Variants in RCN2 observed in about 807,000 individuals in gnomAD.
RCN2 encodes the protein reticulocalbin-2.
In RCN2, 23 loss-of-function variants were observed where a neutral mutation model predicts 37.5. The ratio of observed to expected loss-of-function variants is 0.61; its 90% CI spans 0.44 to 0.87. The LOEUF is 0.87. Among genes scored for constraint, RCN2 ranks in the 40% least tolerant of loss-of-function variants. The pLI, the probability that RCN2 is intolerant of heterozygous loss-of-function variation, is 0.00. For synonymous variants in RCN2, 140 were observed against 144.6 expected, an observed-to-expected ratio of 0.97 and a Z score of 0.23; for missense variants, 381 against 390.4, an observed-to-expected ratio of 0.98 and a Z score of 0.20.
intron 3 of RCN2, chr15:76,941,691 G>C: frequency 6.8e-7 from 1 of 1,466,830 alleles, no homozygotes; most frequent in Non-Finnish European, 9.2e-7. Flanking sequence ...TCGATTTAAT[G>C]TGAGCTATTC....
chr15:76,948,335 T>C, intron 5 of RCN2, 75 bp from the exon 6 acceptor site: 1 of 1,034,128 alleles, frequency 9.7e-7, no homozygotes, highest in Non-Finnish European at 1.4e-6. Flanking sequence ...TCCTTTATTC[T>C]AGGGATATAC....
intron 3 of RCN2, chr15:76,941,617 C>CT: frequency 1.4e-6 from 2 of 1,421,094 alleles, no homozygotes; most frequent in Non-Finnish European, 1.9e-6. Context: ...AACTGACCAT[C>CT]TTTTTTGTTA....
chr15:76,931,826 T>C lies in RCN2; in HGVS notation c.-16T>C, dbSNP rs1596000716. The C allele has an allele frequency of 8.2e-7, 1 of 1,216,116 alleles. No individual in the cohort carries two copies. 75.3% of individuals were successfully genotyped at this position (1,216,116 alleles called of 1,614,324 possible). A position where few individuals can be genotyped will look rare whatever the true frequency, so the allele number is the denominator to read the frequency against. On this transcript the variant is annotated 5_prime_UTR_variant, in exon 1 of 7. Coordinates refer to ENST00000394885, the MANE Select transcript of RCN2 (RefSeq NM_002902.3). ...TCCCTCCTCGCGTCCCTCGGTGTCC[T>C]CCGCGGGCCGGCGCGATGCGGCTGG...
intron 2 of RCN2, among the ~76,000 whole-genome samples, chr15:76,935,239 G>A (rs2075241966): frequency 6.6e-6 from 1 of 152,132 alleles, no homozygotes; most frequent in Admixed American, 6.5e-5. Flanking sequence ...CAGGAGAATC[G>A]TTTGAACCGG....
rs1445684065 is a variant in RCN2 at position 76,951,255 on chromosome 15, C to T, written c.*2033C>T. ...CAGCCCTCTTGTAGGTAGGCGATGGCTAGTTCTGACCAGTTAAACATGGGT... is the reference window on the plus strand; with the variant it reads ...CAGCCCTCTTGTAGGTAGGCGATGGTTAGTTCTGACCAGTTAAACATGGGT... On this transcript the variant is annotated 3_prime_UTR_variant, in exon 7 of 7. Transcript: ENST00000394885. 1 of 152,248 alleles carries T rather than the reference C, an allele frequency of 6.6e-6. No individual in the cohort carries two copies. The highest frequency in any genetic ancestry group is 1.5e-5 in the Non-Finnish European group (1 of 68,050). 9.4% of individuals were successfully genotyped at this position (152,248 alleles called of 1,614,324 possible). A position where few individuals can be genotyped will look rare whatever the true frequency, so the allele number is the denominator to read the frequency against.
At chr15:76,947,246 A>T (rs1332355697) in intron 4 of RCN2, among the ~76,000 whole-genome samples, 175 bp from the exon 5 acceptor site, 1 of 152,244 alleles carries the variant, frequency 6.6e-6, no homozygotes, top group African/African-American at 2.4e-5. Flanking sequence ...TCTTGAAGAT[A>T]TGGACAACCA....
At chr15:76,932,043 C>T in intron 1 of RCN2, 58 bp downstream of exon 1, 1 of 1,235,180 alleles carries the variant, frequency 8.1e-7, no homozygotes, top group African/African-American at 1.6e-5. Flanking sequence ...CTGCCGCGGG[C>T]TTTGTCCCGG....
At chr15:76,944,309 G>A (rs2075288381) in intron 4 of RCN2, among the ~76,000 whole-genome samples, 1 of 151,990 alleles carries the variant, frequency 6.6e-6, no homozygotes, top group Non-Finnish European at 1.5e-5. Context: ...CATGCAATGT[G>A]AAATAATCAG....
At chr15:76,935,465 T>C (rs951039853) in intron 2 of RCN2, 61 bp from the exon 3 acceptor site, 2 of 1,347,202 alleles carry the variant, frequency 1.5e-6, no homozygotes, top group Non-Finnish European at 2.1e-6. Context: ...GGTTTGGAAA[T>C]CCTTACTCTT....
rs930525569 is a variant in RCN2 at position 76,954,058 on chromosome 15, T to A, written c.*4836T>A. On this transcript the variant is annotated 3_prime_UTR_variant, in exon 7 of 7. Coordinates refer to ENST00000394885, the MANE Select transcript of RCN2 (RefSeq NM_002902.3). Reference sequence around the variant, plus strand: ...TTTTCTGTTTTTTTTTTTTTCTTTTTTTTTTTTAATAGTAGCCATCCTGTT... The same window carrying A: ...TTTTCTGTTTTTTTTTTTTTCTTTTATTTTTTTAATAGTAGCCATCCTGTT... 4 of 151,262 alleles carry A rather than the reference T, an allele frequency of 2.6e-5. No homozygotes were observed. The highest frequency in any genetic ancestry group is 9.7e-5 in the African/African-American group (4 of 41,164). The allele number at this position is 151,262 out of a possible 1,614,324, so 9.4% of individuals were successfully genotyped here. A position where few individuals can be genotyped will look rare whatever the true frequency, so the allele number is the denominator to read the frequency against.
Position 76,954,234 on chromosome 15 carries a change from A to G in RCN2, c.*5012A>G, listed in dbSNP as rs1003733304. On this transcript the variant is annotated 3_prime_UTR_variant, in exon 7 of 7. Coordinates refer to ENST00000394885, the MANE Select transcript of RCN2 (RefSeq NM_002902.3). The stretch of plus-strand genomic sequence containing the variant: ...GTTTCTCAAACGTTTTTGTGTTACA[A>G]TACCTCCTTTTGAGTGAGAAATGTC... 6 of 152,058 alleles carry G rather than the reference A, an allele frequency of 3.9e-5. No homozygotes were observed. The highest frequency in any genetic ancestry group is 3.3e-4 in the Admixed American group (5 of 15,260). The allele number at this position is 152,058 out of a possible 1,614,324, so 9.4% of individuals were successfully genotyped here. A position where few individuals can be genotyped will look rare whatever the true frequency, so the allele number is the denominator to read the frequency against.
At chr15:76,946,446 G>GT (rs1402953251) in intron 4 of RCN2, among the ~76,000 whole-genome samples, 2 of 148,366 alleles carry the variant, frequency 1.3e-5, no homozygotes, top group African/African-American at 5.0e-5. Context: ...GAGATCCTAT[G>GT]TTAAAAAAAA....
At chr15:76,935,460 G>A (rs889625095) in intron 2 of RCN2, 66 bp from the exon 3 acceptor site, 3 of 1,313,818 alleles carry the variant, frequency 2.3e-6, no homozygotes, top group African/African-American at 1.5e-5. Flanking sequence ...GAGAAGGTTT[G>A]GAAATCCTTA....
At chr15:76,937,317 GATAC>G (rs1280658173) in intron 3 of RCN2, among the ~76,000 whole-genome samples, 6 of 152,108 alleles carry the variant, frequency 3.9e-5, no homozygotes, top group Non-Finnish European at 5.9e-5. Flanking sequence ...ACCTGGAAGT[GATAC>G]TGCTAGATCA....
In RCN2 at chr15:76,943,772, C is replaced by G. The variant is rs1277208338; in HGVS notation, c.462C>G (p.Asp154Glu). 1 of 1,600,422 alleles carries G rather than the reference C, an allele frequency of 6.2e-7. No individual in the cohort carries two copies. ...AATTTTCAAAGCTTCACTTAAAGGA[C>G]AAGAAGCGATTTGAAAAAGCTAACC... ...EESFRKLHLKDKKRFEKANQD... is the reference protein window; with the variant it reads ...EESFRKLHLKEKKRFEKANQD... Residue 154 changes from aspartate (D) to glutamate (E), a missense_variant, in exon 4 of 7, where the codon GAC becomes GAG. Coordinates refer to ENST00000394885, the MANE Select transcript of RCN2 (RefSeq NM_002902.3).
At chr15:76,932,016 C>A in intron 1 of RCN2, 31 bp downstream of exon 1, 1 of 1,242,882 alleles carries the variant, frequency 8.0e-7, no homozygotes, top group Non-Finnish European at 1.0e-6. Context: ...CTGGGAGGGC[C>A]GGGCCTCGCA....
In RCN2 at chr15:76,952,528, C is replaced by T. The variant is rs2075326363; in HGVS notation, c.*3306C>T. ...AAAATGTGAAACTATTACCACCTTC[C>T]ATCTCCATGAACTTCATTTGTAAAA... On this transcript the variant is annotated 3_prime_UTR_variant, in exon 7 of 7. Transcript: ENST00000394885. The T allele has an allele frequency of 1.3e-5, 2 of 152,180 alleles. No homozygotes were observed. Among genetic ancestry groups the T allele is most frequent in the African/African-American group, 4.8e-5 (2 of 41,450 alleles). 9.4% of individuals were successfully genotyped at this position (152,180 alleles called of 1,614,324 possible).
chr15:76,953,315 A>G lies in RCN2; in HGVS notation c.*4093A>G, dbSNP rs181308190. On this transcript the variant is annotated 3_prime_UTR_variant, in exon 7 of 7. Transcript: ENST00000394885. ...TGGCTTCACTTAGCATAACGTCCCCAAAGTTCACCCATATTGTTACCAGAA... is the reference window on the plus strand; with the variant it reads ...TGGCTTCACTTAGCATAACGTCCCCGAAGTTCACCCATATTGTTACCAGAA... The G allele has an allele frequency of 1.3e-5, 2 of 152,028 alleles. No individual in the cohort carries two copies. Among genetic ancestry groups the G allele is most frequent in the Admixed American group, 1.3e-4 (2 of 15,244 alleles). The allele number at this position is 152,028 out of a possible 1,614,324, so 9.4% of individuals were successfully genotyped here. A position where few individuals can be genotyped will look rare whatever the true frequency, so the allele number is the denominator to read the frequency against.
chr15:76,938,716 A>G (rs936437669), intron 3 of RCN2: 1 of 455,652 alleles, frequency 2.2e-6, no homozygotes, highest in Non-Finnish European at 4.4e-6. Flanking sequence ...TTCTCTGCTA[A>G]TAACTACAGC....
Sources: gnomAD v4.1 joint callset for allele counts (sites outside exome capture counted in the v4.1 genomes callset) on GRCh38, gnomAD v4.1.1 for gene constraint, MANE v1.5 for transcripts, NCBI Gene and HGNC (gene_info 2026-07-23, HGNC 2026-07-21) for gene names.